Variants in KCNT1 observed in about 807,000 individuals in gnomAD.
KCNT1 encodes potassium sodium-activated channel subfamily T member 1.
In KCNT1, 78 loss-of-function variants were observed where a neutral mutation model predicts 147.8. The ratio of observed to expected loss-of-function variants is 0.53; its 90% CI spans 0.44 to 0.64. The LOEUF (loss-of-function observed/expected upper bound fraction) is 0.64. Ranked by LOEUF, KCNT1 falls within the 30% of genes least tolerant of loss-of-function variation. The pLI, the probability that KCNT1 is intolerant of heterozygous loss-of-function variation, is 0.00. For synonymous variants in KCNT1, 867 were observed against 748.8 expected (o/e 1.16, Z -2.58); for missense variants, 1,419 against 1,750.3 (o/e 0.81, Z 3.38).
At position 135,792,152 on chromosome 9, in the gene KCNT1, A is replaced by G. The variant is rs750109650; in HGVS notation, c.3699A>G (p.Thr1233=). 5 of 1,605,568 alleles carry G rather than the reference A, an allele frequency of 3.1e-6. No homozygotes were observed. The highest frequency in any genetic ancestry group is 1.7e-4 in the Middle Eastern group (1 of 6,056). ...SSCNPETRDE[T]QL is the part of the protein sequence containing the mutation. ...GCAACCCCGAGACTCGCGACGAGACACAGCTCTGAGCCAGCCCTGCACGGA... is the reference window on the plus strand; with the variant it reads ...GCAACCCCGAGACTCGCGACGAGACGCAGCTCTGAGCCAGCCCTGCACGGA... Residue 1233 remains threonine, a synonymous_variant, in exon 31 of 31, where the codon ACA becomes ACG. Transcript: ENST00000371757.
In KCNT1 at chr9:135,760,533, C is replaced by T. The variant is rs143291242; in HGVS notation, c.1035+674C>T. Among the ~76,000 whole-genome samples, 356 of 152,282 alleles carry T rather than the reference C, an allele frequency of 2.3e-3. 1 individual carries two copies. Among genetic ancestry groups the T allele is most frequent in the African/African-American group, 8.0e-3 (334 of 41,562 alleles). Reference sequence around the variant, plus strand: ...AGGAGGAAGAGCCTGAGGAGGTGGCCAGGGCCTTCTGGGAGACAGACCCCC... The same window carrying T: ...AGGAGGAAGAGCCTGAGGAGGTGGCTAGGGCCTTCTGGGAGACAGACCCCC... On this transcript the variant is annotated intron_variant, in intron 11 of 30. Coordinates refer to ENST00000371757, the MANE Select transcript of KCNT1 (RefSeq NM_020822.3).
In KCNT1 at chr9:135,792,333, G is replaced by C; in HGVS notation, c.*172G>C. ...AGCCCCTCATGCGGGGGGAGGGCCA[G>C]CTCACCCCTGGGCACCTGCAGGCTA... On this transcript the variant is annotated 3_prime_UTR_variant, in exon 31 of 31. Transcript: ENST00000371757. 4 of 792,360 alleles carry C rather than the reference G, an allele frequency of 5.0e-6. No homozygotes were observed. The highest frequency in any genetic ancestry group is 7.7e-6 in the Non-Finnish European group (4 of 520,486). 49.1% of individuals were successfully genotyped at this position (792,360 alleles called of 1,614,324 possible).
At chr9:135,773,196 C>CT (rs1295495341) in intron 19 of KCNT1, among the ~76,000 whole-genome samples, 4 of 152,206 alleles carry the variant, frequency 2.6e-5, no homozygotes, top group African/African-American at 7.2e-5. Flanking sequence ...GGGCTACACC[C>CT]TTTCCAGTTG....
intron 4 of KCNT1, among the ~76,000 whole-genome samples, chr9:135,751,725 G>A (rs1204537454): frequency 6.6e-6 from 1 of 152,218 alleles, no homozygotes; most frequent in Non-Finnish European, 1.5e-5. Context: ...GGTCCCAGGG[G>A]ACATCAGCAG....
chr9:135,786,617 G>A, intron 29 of KCNT1, 96 bp downstream of exon 29: 1 of 1,183,368 alleles, frequency 8.5e-7, no homozygotes, highest in Non-Finnish European at 1.1e-6. Flanking sequence ...CCGGGGCCCG[G>A]GCCGTCCTCC....
Position 135,714,590 on chromosome 9 carries a change from G to T in KCNT1, c.124G>T (p.Gly42Trp), listed in dbSNP as rs772192320. Residue 42 changes from glycine (G) to tryptophan (W), a missense_variant, in exon 2 of 31, where the codon GGG becomes TGG. Gly to Trp is a radical substitution (Grantham distance 184). Around this residue, in one of 5 missense-constraint regions of KCNT1, gnomAD observed 181 missense variants for 155.7 expected, o/e 1.16. Transcript: ENST00000371757. This position sits in a 1 kb window ranked among gnomAD's most constrained non-coding sequence, Gnocchi z 6.2. Reference sequence around the variant, plus strand: ...GTGTGCCCGCAGGCGGCCCTGCGCGGGGGACGGCGCGCTCCTGGACACCGC... The same window carrying T: ...GTGTGCCCGCAGGCGGCCCTGCGCGTGGGACGGCGCGCTCCTGGACACCGC... ...GQCAPRRPCAGDGALLDTAGF... is the reference protein window; with the variant it reads ...GQCAPRRPCAWDGALLDTAGF... 7.2e-7 allele frequency: 1 copy of T among 1,382,904 alleles called. No individual in the cohort carries two copies. The allele number at this position is 1,382,904 out of a possible 1,614,324, so 85.7% of individuals were successfully genotyped here. A position where few individuals can be genotyped will look rare whatever the true frequency, so the allele number is the denominator to read the frequency against.
At chr9:135,765,873 C>T (rs200011730) in intron 13 of KCNT1, 113 bp downstream of exon 13, 2 of 1,031,570 alleles carry the variant, frequency 1.9e-6, no homozygotes, top group Admixed American at 2.4e-5. Flanking sequence ...GCCATGAGAG[C>T]ATTATAGACT....
intron 2 of KCNT1, among the ~76,000 whole-genome samples, 187 bp from the exon 3 acceptor site, chr9:135,749,904 GGCTGTCT>G (rs1042374271): frequency 2.0e-5 from 3 of 152,122 alleles, no homozygotes; most frequent in African/African-American, 7.2e-5. Context: ...AGGCTGGGTC[GGCTGTCT>G]GCTGGGTGTG....
At chr9:135,748,484 G>A (rs1012803090) in intron 2 of KCNT1, among the ~76,000 whole-genome samples, 7 of 152,250 alleles carry the variant, frequency 4.6e-5, no homozygotes, top group Admixed American at 3.9e-4. Flanking sequence ...TCTCAGATTC[G>A]ATTGATAGGA....
Position 135,752,050 on chromosome 9 carries a change from A to G in KCNT1, c.434+1009A>G. 4.8e-6 allele frequency: 1 copy of G among 210,356 alleles called. No homozygotes were observed. Among genetic ancestry groups the G allele is most frequent in the South Asian group, 7.0e-5 (1 of 14,254 alleles). 13.0% of individuals were successfully genotyped at this position (210,356 alleles called of 1,614,324 possible). On this transcript the variant is annotated intron_variant, in intron 4 of 30. Transcript: ENST00000371757. The surrounding 1 kb of genome is among the most constrained non-coding windows in gnomAD (Gnocchi z 5.1). ...TGGGCCCTGACTTTTTCATACCCGTAGATTTCCTCAAATGTCTGGTGCCGT... is the reference window on the plus strand; with the variant it reads ...TGGGCCCTGACTTTTTCATACCCGTGGATTTCCTCAAATGTCTGGTGCCGT...
Position 135,750,176 on chromosome 9 carries a change from G to A in KCNT1, c.333G>A (p.Ser111=), listed in dbSNP as rs56008253. 4.2e-3 allele frequency: 6,791 copies of A among 1,612,892 alleles called. 9 individuals are homozygous for A. The highest frequency in any genetic ancestry group is 5.2e-3 in the Non-Finnish European group (6,176 of 1,179,414). The change falls in exon 3 of 31, where the codon TCG becomes TCA. Residue 111 remains serine (S), a splice_region_variant and synonymous_variant. Coordinates refer to ENST00000371757, the MANE Select transcript of KCNT1 (RefSeq NM_020822.3). ...LKLFFIKNQR[S]SLRIRLFNFS... Reference sequence around the variant, plus strand: ...TGTTCTTCATCAAAAACCAAAGATCGAGTGAGTGGGGTGCCTGGAGGGCCA... The same window carrying A: ...TGTTCTTCATCAAAAACCAAAGATCAAGTGAGTGGGGTGCCTGGAGGGCCA...
Position 135,786,194 on chromosome 9 carries a change from C to T in KCNT1, c.3178-3C>T, listed in dbSNP as rs1564393740. On this transcript the variant is annotated splice_polypyrimidine_tract_variant and splice_region_variant and intron_variant, in intron 28 of 30. Coordinates refer to ENST00000371757, the MANE Select transcript of KCNT1 (RefSeq NM_020822.3). The stretch of plus-strand genomic sequence containing the variant: ...CCGCCCTGCCCTGCCCTGCCCTGCC[C>T]AGTCCCAGATCTCGGTGAACGTGGA... 1 of 1,608,572 alleles carries T rather than the reference C, an allele frequency of 6.2e-7. No homozygotes were observed. The highest frequency in any genetic ancestry group is 1.3e-5 in the African/African-American group (1 of 74,680).
rs962733155 is a variant in KCNT1, at chr9:135,714,518, C to T, written c.111-59C>T. ...CGGGCCGGGCCTGGCGGGCCGGGGG[C>T]TGCGCGCGTCCGCGAGGGCGCCCGA... On this transcript the variant is annotated intron_variant, in intron 1 of 30. Transcript: ENST00000371757. This position sits in a 1 kb window ranked among gnomAD's most constrained non-coding sequence, Gnocchi z 6.2. 4.4e-5 allele frequency: 43 copies of T among 984,376 alleles called. No individual in the cohort carries two copies. The highest frequency in any genetic ancestry group is 5.2e-5 in the Non-Finnish European group (43 of 828,278). 61.0% of individuals were successfully genotyped at this position (984,376 alleles called of 1,614,324 possible).
At chr9:135,709,064 A>G (rs1480712781) in intron 1 of KCNT1, among the ~76,000 whole-genome samples, 1 of 152,178 alleles carries the variant, frequency 6.6e-6, no homozygotes, top group Non-Finnish European at 1.5e-5. Context: ...TGCAAAGCAC[A>G]ATGGGTGAGA....
At chr9:135,774,346 G>C (rs1364311321) in intron 19 of KCNT1, among the ~76,000 whole-genome samples, 1 of 146,056 alleles carries the variant, frequency 6.8e-6, no homozygotes, top group Non-Finnish European at 1.5e-5. Flanking sequence ...TTGTGTGTCC[G>C]TGTGTGGTGC....
chr9:135,784,848 G>C lies in KCNT1; in HGVS notation c.3115G>C (p.Gly1039Arg). 1 of 1,612,812 alleles carries C rather than the reference G, an allele frequency of 6.2e-7. No individual in the cohort carries two copies. The highest frequency in any genetic ancestry group is 8.5e-7 in the Non-Finnish European group (1 of 1,180,000). Residue 1039 changes from glycine (G) to arginine (R), a missense_variant, in exon 27 of 31, where the codon GGC (glycine) becomes CGC (arginine). Gly to Arg is a moderately radical substitution (Grantham distance 125). Transcript: ENST00000371757. The stretch of plus-strand genomic sequence containing the variant: ...CTCCTCCAGCGCCGAGATCCCCATT[G>C]GCATCTACCGGACAGAGAGCCACGT... ...LCSSSAEIPI[G>R]IYRTESHVFS...
intron 2 of KCNT1, among the ~76,000 whole-genome samples, chr9:135,723,954 G>C (rs1038292117): frequency 6.6e-6 from 1 of 152,172 alleles, no homozygotes; most frequent in African/African-American, 2.4e-5. Context: ...CTGTGGGCTG[G>C]GGAGGCCCAG....
chr9:135,735,910 C>A (rs906147730), intron 2 of KCNT1, among the ~76,000 whole-genome samples: 3 of 152,212 alleles, frequency 2.0e-5, no homozygotes, highest in Admixed American at 6.5e-5. Flanking sequence ...GGGCGAGTCA[C>A]CTGGAGCCGC....
Position 135,714,819 on chromosome 9 carries a change from C to A in KCNT1, c.254+99C>A. Reference sequence around the variant, plus strand: ...GCTGACGGCCGGTCCCGCGCGCCCCCGCAGCCGCCGGCGCCCTTCAACTTT... The same window carrying A: ...GCTGACGGCCGGTCCCGCGCGCCCCAGCAGCCGCCGGCGCCCTTCAACTTT... On this transcript the variant is annotated intron_variant, in intron 2 of 30. Transcript: ENST00000371757. This position sits in a 1 kb window ranked among gnomAD's most constrained non-coding sequence, Gnocchi z 6.2. The A allele has an allele frequency of 1.1e-6, 1 of 878,520 alleles. No individual in the cohort carries two copies. Among genetic ancestry groups the A allele is most frequent in the Non-Finnish European group, 1.4e-6 (1 of 699,436 alleles). The allele number at this position is 878,520 out of a possible 1,614,324, so 54.4% of individuals were successfully genotyped here. A position where few individuals can be genotyped will look rare whatever the true frequency, so the allele number is the denominator to read the frequency against.
Sources: gnomAD v4.1 joint callset for allele counts (sites outside exome capture counted in the v4.1 genomes callset) on GRCh38, gnomAD v4.1.1 for gene constraint, gnomAD v4.1.1 regional missense constraint, Gnocchi (gnomAD v3.1) non-coding constraint, MANE v1.5 for transcripts, NCBI Gene and HGNC (gene_info 2026-07-23, HGNC 2026-07-21) for gene names.